SCAP: variants seen among roughly 807,000 people sequenced by gnomAD.
The protein encoded by SCAP is SREBF chaperone, also known as sterol regulatory element-binding protein cleavage-activating protein.
SCAP carries 65 observed loss-of-function variants against 123.6 expected under a neutral mutation model. The ratio of observed to expected loss-of-function variants is 0.53; its 90% CI spans 0.43 to 0.65. The LOEUF is 0.65. Among genes scored for constraint, SCAP ranks in the 30% least tolerant of loss-of-function variants. The probability of loss-of-function intolerance (pLI) is 0.00; values close to 1 mark genes in which losing one functional copy is unlikely to be tolerated. For missense variants in SCAP, 1,398 were observed against 1,712.5 expected, an observed-to-expected ratio of 0.82 and a Z score of 3.24; for synonymous variants, 740 against 726.3, an observed-to-expected ratio of 1.02 and a Z score of -0.30.
At chr3:47,465,443 A>G (rs919060186) in intron 1 of SCAP, among the ~76,000 whole-genome samples, 6 of 152,196 alleles carry the variant, frequency 3.9e-5, no homozygotes, top group Admixed American at 2.6e-4. Flanking sequence ...AACGCAATCC[A>G]TATCAAAATG....
intron 1 of SCAP, among the ~76,000 whole-genome samples, chr3:47,461,907 AC>A (rs1348768468): frequency 2.0e-5 from 3 of 152,084 alleles, no homozygotes; most frequent in Non-Finnish European, 4.4e-5. Flanking sequence ...GGTGACAGGC[AC>A]CTATAATCCC....
In SCAP at chr3:47,451,141, C is replaced by T. The variant is rs548578432; in HGVS notation, c.-98-8050G>A. ...GTGTTGGGATTACAGACATGAGCCA[C>T]CGTGCAAGACTATTTTAAATAAACT... On this transcript the variant is annotated intron_variant, in intron 1 of 22. Transcript: ENST00000265565. Among the ~76,000 whole-genome samples, 2 of 123,008 alleles carry T rather than the reference C, an allele frequency of 1.6e-5. 1 individual carries two copies. The highest frequency in any genetic ancestry group is 5.8e-4 in the East Asian group (2 of 3,420). The allele number at this position is 123,008 out of a possible 152,430, so 80.7% of individuals were successfully genotyped here. A position where few individuals can be genotyped will look rare whatever the true frequency, so the allele number is the denominator to read the frequency against.
chr3:47,415,116 T>C lies in SCAP; in HGVS notation c.3121A>G (p.Ser1041Gly), dbSNP rs777953785. 1 of 1,611,698 alleles carries C rather than the reference T, an allele frequency of 6.2e-7. No homozygotes were observed. The highest frequency in any genetic ancestry group is 8.5e-7 in the Non-Finnish European group (1 of 1,179,330). ...FFSLETHTALSPLQFRGTPGR... is the reference protein window; with the variant it reads ...FFSLETHTALGPLQFRGTPGR... Reference sequence around the variant, plus strand: ...CTCCGACCTCTAAACTGCAGGGGGCTGAGGGCAGTGTGGGTCTCCAAGGAG... The same window carrying C: ...CTCCGACCTCTAAACTGCAGGGGGCCGAGGGCAGTGTGGGTCTCCAAGGAG... The change falls in exon 19 of 23, where the codon AGC becomes GGC. Residue 1041 changes from serine to glycine, a missense_variant. By Grantham distance (56) the Ser-to-Gly change is moderately conservative (BLOSUM62 0). Around this residue, in one of 7 missense-constraint regions of SCAP, gnomAD observed 828 missense variants for 882.5 expected, o/e 0.94. Transcript: ENST00000265565.
rs1259264772 is a variant in SCAP, at chr3:47,417,491, A to G, written c.2783T>C (p.Val928Ala). The change falls in exon 17 of 23, where the codon GTC (valine) becomes GCC (alanine). Residue 928 changes from valine (V) to alanine (A), a missense_variant. Coordinates refer to ENST00000265565, the MANE Select transcript of SCAP (RefSeq NM_012235.4). ...RVYQEEGLAA[V>A]CTPALRPPSP... ...GGGTGGGCGCAGGGCTGGTGTGCAG[A>G]CGGCCGCCAGCCCCTCCTCCTGGTA... The G allele has an allele frequency of 5.8e-6, 9 of 1,550,804 alleles. No individual in the cohort carries two copies. Among genetic ancestry groups the G allele is most frequent in the Non-Finnish European group, 7.8e-6 (9 of 1,147,946 alleles).
At chr3:47,434,811 T>C in intron 3 of SCAP, 197 bp downstream of exon 3, 1 of 572,806 alleles carries the variant, frequency 1.7e-6, no homozygotes, top group Non-Finnish European at 2.9e-6. Flanking sequence ...CACTCCAGCC[T>C]GGACAACAGG....
At position 47,417,058 on chromosome 3, in the gene SCAP, CAA is replaced by C. The variant is rs920164064; in HGVS notation, c.3056+62_3056+63del. The C allele has an allele frequency of 2.9e-5, 42 of 1,450,140 alleles. No individual in the cohort carries two copies. The Middle Eastern group carries it at 7.0e-4, about 24-fold the overall frequency. The allele number at this position is 1,450,140 out of a possible 1,614,324, so 89.8% of individuals were successfully genotyped here. A position where few individuals can be genotyped will look rare whatever the true frequency, so the allele number is the denominator to read the frequency against. ...TTGAAGAGAACCAGAACTCAAGACTCAAGAGAGTATGGCCTAGCCAACAAAGG... is the reference window on the plus strand; with the variant it reads ...TTGAAGAGAACCAGAACTCAAGACTCGAGAGTATGGCCTAGCCAACAAAGG... On this transcript the variant is annotated intron_variant, in intron 18 of 22. Coordinates refer to ENST00000265565, the MANE Select transcript of SCAP (RefSeq NM_012235.4).
intron 1 of SCAP, among the ~76,000 whole-genome samples, chr3:47,474,121 C>T (rs563054687): frequency 2.0e-5 from 3 of 152,146 alleles, no homozygotes; most frequent in East Asian, 1.9e-4. Flanking sequence ...AAAAAGTAGC[C>T]GGGCATGGTG....
In SCAP at chr3:47,441,722, A is replaced by C. The variant is rs558928709; in HGVS notation, c.122+1150T>G. Among the ~76,000 whole-genome samples, 93 of 152,190 alleles carry C rather than the reference A, an allele frequency of 6.1e-4. 1 individual carries two copies. The highest frequency in any genetic ancestry group is 1.1e-3 in the Admixed American group (17 of 15,282). On this transcript the variant is annotated intron_variant, in intron 2 of 22. Coordinates refer to ENST00000265565, the MANE Select transcript of SCAP (RefSeq NM_012235.4). ...TGGCTTGGATTTGAATTTGAACCCC[A>C]GTTTCCCTAATTATTAGTTATGTGG...
rs116924117 is a variant in SCAP at position 47,446,765 on chromosome 3, G to A, written c.-98-3674C>T. Among the ~76,000 whole-genome samples, 70 of 151,250 alleles carry A rather than the reference G, an allele frequency of 4.6e-4. No individual in the cohort carries two copies. The East Asian group carries it at 0.011, about 24-fold the overall frequency. On this transcript the variant is annotated intron_variant, in intron 1 of 22. Coordinates refer to ENST00000265565, the MANE Select transcript of SCAP (RefSeq NM_012235.4). ...AGACCAGCCTGGACACTGTGAGACC[G>A]TGTCTTTACAAAAAAAAAAACATTA...
At chr3:47,414,687 G>C in intron 20 of SCAP, 35 bp from the exon 21 acceptor site, 1 of 1,612,594 alleles carries the variant, frequency 6.2e-7, no homozygotes, top group East Asian at 2.2e-5. Context: ...TCTGGTCTCT[G>C]GGATTTTCCA....
At chr3:47,436,861 G>A (rs1242681231) in intron 2 of SCAP, among the ~76,000 whole-genome samples, 1 of 152,120 alleles carries the variant, frequency 6.6e-6, no homozygotes, top group Non-Finnish European at 1.5e-5. Context: ...CCAGTCAACA[G>A]CATACCACTC....
intron 1 of SCAP, 159 bp from the exon 2 acceptor site, chr3:47,443,250 ACACACACAC>A: frequency 4.2e-6 from 1 of 236,768 alleles, no homozygotes; most frequent in Non-Finnish European, 8.3e-6. Flanking sequence ...ACACACACAC[ACACACACAC>A]ACACACACAC....
In SCAP at chr3:47,420,907, G is replaced by A. The variant is rs1222280695; in HGVS notation, c.1344+24C>T. The A allele has an allele frequency of 1.9e-6, 3 of 1,606,764 alleles. No homozygotes were observed. Among genetic ancestry groups the A allele is most frequent in the Middle Eastern group, 1.7e-4 (1 of 6,050 alleles). ...ACAGCCAGGGCTGAGGAGGCGGGCAGGGCAGGGCTCAGCCCACTCCTACCT... is the reference window on the plus strand; with the variant it reads ...ACAGCCAGGGCTGAGGAGGCGGGCAAGGCAGGGCTCAGCCCACTCCTACCT... On this transcript the variant is annotated intron_variant, in intron 11 of 22. Transcript: ENST00000265565. The surrounding 1 kb of genome is among the most constrained non-coding windows in gnomAD (Gnocchi z 5.0).
Position 47,413,812 on chromosome 3 carries a change from C to T in SCAP, c.*42G>A, listed in dbSNP as rs1394626643. 2 of 1,595,516 alleles carry T rather than the reference C, an allele frequency of 1.3e-6. No individual in the cohort carries two copies. The highest frequency in any genetic ancestry group is 2.2e-5 in the East Asian group (1 of 44,654). On this transcript the variant is annotated 3_prime_UTR_variant, in exon 23 of 23. Coordinates refer to ENST00000265565, the MANE Select transcript of SCAP (RefSeq NM_012235.4). ...TCCAGGTTCAGTGCATTGGCCCCCACACAGCACCCCAGCCTCCTGCCTGGG... is the reference window on the plus strand; with the variant it reads ...TCCAGGTTCAGTGCATTGGCCCCCATACAGCACCCCAGCCTCCTGCCTGGG...
chr3:47,421,020 G>C lies in SCAP; in HGVS notation c.1255C>G (p.Leu419Val). ...GACACCAGCCCCACGACAGCAAAGA[G>C]ACAGAACTCCTGGAATCAGAGCACA... is the stretch of plus-strand genomic sequence containing the variant. ...TLVPAIQEFC[L>V]FAVVGLVSDF... The change falls in exon 11 of 23, where the codon CTC becomes GTC. Residue 419 changes from leucine (L) to valine (V), a missense_variant. Around this residue, in one of 7 missense-constraint regions of SCAP, gnomAD observed 66 missense variants for 116.3 expected, o/e 0.57. Coordinates refer to ENST00000265565, the MANE Select transcript of SCAP (RefSeq NM_012235.4). 1 of 1,613,760 alleles carries C rather than the reference G, an allele frequency of 6.2e-7. No individual in the cohort carries two copies. The highest frequency in any genetic ancestry group is 8.5e-7 in the Non-Finnish European group (1 of 1,179,806).
In SCAP at chr3:47,443,062, G is replaced by T. The variant is rs1706868932; in HGVS notation, c.-69C>A. Reference sequence around the variant, plus strand: ...GGATCACCCTGGCACACACTTGACAGCACTGACAAAGAACAACATGTGCAG... The same window carrying T: ...GGATCACCCTGGCACACACTTGACATCACTGACAAAGAACAACATGTGCAG... On this transcript the variant is annotated 5_prime_UTR_variant, in exon 2 of 23. It adds an upstream start codon to the 5' untranslated region. Coordinates refer to ENST00000265565, the MANE Select transcript of SCAP (RefSeq NM_012235.4). 6.2e-7 allele frequency: 1 copy of T among 1,605,518 alleles called. No homozygotes were observed. Among genetic ancestry groups the T allele is most frequent in the Non-Finnish European group, 8.5e-7 (1 of 1,176,290 alleles).
Position 47,421,255 on chromosome 3 carries a change from T to TGAAAGG in SCAP, c.1246-232_1246-227dup, listed in dbSNP as rs556786987. On this transcript the variant is annotated intron_variant, in intron 10 of 22. Transcript: ENST00000265565. ...CCCTCACACTTTCTTCAGAAAGGGC[T>TGAAAGG]GAAAGGGAAGGGGAAGTACCTTCCC... 397 of 563,644 alleles carry TGAAAGG rather than the reference T, an allele frequency of 7.0e-4. 3 individuals carry two copies. Among genetic ancestry groups the TGAAAGG allele is most frequent in the African/African-American group, 6.3e-3 (336 of 52,920 alleles). 34.9% of individuals were successfully genotyped at this position (563,644 alleles called of 1,614,324 possible). A position where few individuals can be genotyped will look rare whatever the true frequency, so the allele number is the denominator to read the frequency against.
intron 1 of SCAP, among the ~76,000 whole-genome samples, chr3:47,444,367 A>G (rs1436159588): frequency 2.0e-5 from 3 of 152,234 alleles, no homozygotes; most frequent in Non-Finnish European, 4.4e-5. Flanking sequence ...ACAAGAAGCA[A>G]AAGGAGTCAC....
intron 1 of SCAP, among the ~76,000 whole-genome samples, chr3:47,455,085 AT>A (rs372447767): frequency 0.17 from 22,402 of 134,310 alleles, 1,836 homozygotes; most frequent in Non-Finnish European, 0.2. Flanking sequence ...ATATATATAT[AT>A]ATATATATAA....
Sources: allele counts gnomAD v4.1 joint callset (sites outside exome capture counted in the v4.1 genomes callset), GRCh38; gene constraint gnomAD v4.1.1; regional missense constraint gnomAD v4.1.1; non-coding constraint Gnocchi (gnomAD v3.1); transcripts MANE v1.5; gene names NCBI Gene and HGNC (gene_info 2026-07-23, HGNC 2026-07-21).